Variants in SETBP1 observed in about 807,000 individuals in gnomAD.
SETBP1 encodes SET binding protein 1.
In SETBP1, 9 loss-of-function variants were observed where a neutral mutation model predicts 101.0. That is an observed-to-expected ratio of 0.09 (90% CI 0.05 to 0.16). The LOEUF (loss-of-function observed/expected upper bound fraction) is 0.16. SETBP1 is among the 10% of genes least tolerant of loss of function. The probability of loss-of-function intolerance (pLI) is 1.00; values close to 1 mark genes in which losing one functional copy is unlikely to be tolerated. For synonymous variants in SETBP1, 818 were observed against 788.5 expected (o/e 1.04, Z -0.63); for missense variants, 1,858 against 2,033.8 (o/e 0.91, Z 1.66).
chr18:44,931,278 G>A (rs1466269887), intron 3 of SETBP1, among the ~76,000 whole-genome samples: 2 of 152,136 alleles, frequency 1.3e-5, no homozygotes, highest in Admixed American at 1.3e-4. Flanking sequence ...CTGAGTTCTA[G>A]TTTGATTGCA....
intron 2 of SETBP1, among the ~76,000 whole-genome samples, chr18:44,758,574 G>A (rs1470365594): frequency 6.6e-6 from 1 of 151,988 alleles, no homozygotes; most frequent in Non-Finnish European, 1.5e-5. Flanking sequence ...AGTAAAGAGG[G>A]GGTTTCACTG....
intron 4 of SETBP1, among the ~76,000 whole-genome samples, chr18:45,010,493 A>AT (rs1251966567): frequency 6.6e-6 from 1 of 152,194 alleles, no homozygotes; most frequent in Non-Finnish European, 1.5e-5. Context: ...CATTTTTTGG[A>AT]TTAAGCAGGT....
At chr18:44,729,915 TGA>T (rs2069798829) in intron 2 of SETBP1, among the ~76,000 whole-genome samples, 3 of 152,314 alleles carry the variant, frequency 2.0e-5, no homozygotes, top group Middle Eastern at 3.4e-3. Flanking sequence ...CTGTGACTTT[TGA>T]GAGAGTGTTT....
chr18:44,725,295 T>A (rs2069682760), intron 2 of SETBP1, among the ~76,000 whole-genome samples: 2 of 152,180 alleles, frequency 1.3e-5, no homozygotes, highest in East Asian at 3.8e-4. Flanking sequence ...ATTTCACATC[T>A]AAGAGAGACT....
intron 2 of SETBP1, among the ~76,000 whole-genome samples, chr18:44,844,574 G>A (rs563564524): frequency 1.3e-5 from 2 of 152,328 alleles, no homozygotes; most frequent in Admixed American, 6.5e-5. Flanking sequence ...CCAGAGCTGG[G>A]ATTGGAGGTC....
intron 4 of SETBP1, among the ~76,000 whole-genome samples, chr18:45,026,114 T>C (rs1203019142): frequency 6.6e-6 from 1 of 152,220 alleles, no homozygotes; most frequent in African/African-American, 2.4e-5. Context: ...TTATATTAAC[T>C]GGCATTGATT....
At chr18:44,919,395 G>C (rs2070524114) in intron 3 of SETBP1, among the ~76,000 whole-genome samples, 1 of 151,110 alleles carries the variant, frequency 6.6e-6, no homozygotes, top group Non-Finnish European at 1.5e-5. Flanking sequence ...CACCAGGCAG[G>C]CTGGAGTGCA....
intron 2 of SETBP1, among the ~76,000 whole-genome samples, chr18:44,797,054 G>A (rs1172126988): frequency 1.3e-5 from 2 of 152,152 alleles, no homozygotes; most frequent in African/African-American, 4.8e-5. Context: ...ATTAGCTGGG[G>A]CACTGCACCT....
chr18:44,751,571 CTTTA>C (rs35899434), intron 2 of SETBP1, among the ~76,000 whole-genome samples: 26,170 of 151,926 alleles, frequency 0.17, 2,477 homozygotes, highest in Middle Eastern at 0.24. Flanking sequence ...TTGATTTATC[CTTTA>C]TTTGTCATTT....
intron 4 of SETBP1, among the ~76,000 whole-genome samples, chr18:44,966,661 C>T (rs1424739781): frequency 1.3e-5 from 2 of 152,112 alleles, no homozygotes; most frequent in Non-Finnish European, 2.9e-5. Flanking sequence ...GACTGTTGAT[C>T]CTTGCAGACC....
chr18:44,911,711 A>G (rs1439436434), intron 3 of SETBP1, among the ~76,000 whole-genome samples: 1 of 152,216 alleles, frequency 6.6e-6, no homozygotes, highest in African/African-American at 2.4e-5. Flanking sequence ...TGAGCTCTCC[A>G]ATGAAATCGT....
At chr18:44,967,869 G>A (rs2071754305) in intron 4 of SETBP1, among the ~76,000 whole-genome samples, 1 of 152,250 alleles carries the variant, frequency 6.6e-6, no homozygotes, top group East Asian at 1.9e-4. Flanking sequence ...TTCTGGCTTT[G>A]CACATGCCAT....
Position 44,950,697 on chromosome 18 carries a change from T to G in SETBP1, c.1357T>G (p.Ser453Ala). 6.2e-7 allele frequency: 1 copy of G among 1,614,148 alleles called. No individual in the cohort carries two copies. Among genetic ancestry groups the G allele is most frequent in the Non-Finnish European group, 8.5e-7 (1 of 1,180,022 alleles). The change falls in exon 4 of 6, where the codon TCC (serine) becomes GCC (alanine). Residue 453 changes from serine to alanine, a missense_variant. Around this residue, in one of 12 missense-constraint regions of SETBP1, gnomAD observed 581 missense variants for 535.1 expected, o/e 1.09. Transcript: ENST00000649279. ...MSSEVVNRILSNSEGNKKDPR... is the reference protein window; with the variant it reads ...MSSEVVNRILANSEGNKKDPR... ...CAGTGAAGTAGTTAACAGGATACTTTCCAACTCTGAGGGGAATAAGAAGGA... is the reference window on the plus strand; with the variant it reads ...CAGTGAAGTAGTTAACAGGATACTTGCCAACTCTGAGGGGAATAAGAAGGA...
At chr18:44,875,466 G>A (rs112373243) in intron 3 of SETBP1, among the ~76,000 whole-genome samples, 318 of 150,076 alleles carry the variant, frequency 2.1e-3, no homozygotes, top group African/African-American at 7.5e-3. Flanking sequence ...TGCCGAGATC[G>A]GGGAGTGAGC....
In SETBP1 at chr18:44,942,335, G is replaced by A. The variant is rs555221343; in HGVS notation, c.541-7546G>A. ...TGATAGCCCCCAGTAGCTAATCTCT[G>A]CTAGGCTTTGTGAAATCTTACCTTC... On this transcript the variant is annotated intron_variant, in intron 3 of 5. Coordinates refer to ENST00000649279, the MANE Select transcript of SETBP1 (RefSeq NM_015559.3). Among the ~76,000 whole-genome samples the A allele has an allele frequency of 3.9e-5, 6 of 152,280 alleles. No individual in the cohort carries two copies. In the South Asian group the frequency reaches 1.2e-3, roughly 32 times the overall value.
chr18:44,788,548 G>A lies in SETBP1; in HGVS notation c.487-80682G>A, dbSNP rs140424158. Among the ~76,000 whole-genome samples the A allele has an allele frequency of 1.1e-3, 162 of 152,216 alleles. 1 individual carries two copies. Among genetic ancestry groups the A allele is most frequent in the African/African-American group, 3.6e-3 (148 of 41,536 alleles). ...AACAGGTGCTTGGAAGCCTGGCCTT[G>A]CTCATATAATAGTCTGTGCAGGCTC... On this transcript the variant is annotated intron_variant, in intron 2 of 5. Transcript: ENST00000649279.
intron 4 of SETBP1, among the ~76,000 whole-genome samples, chr18:44,962,600 A>T (rs2071635625): frequency 6.6e-6 from 1 of 152,208 alleles, no homozygotes; most frequent in Non-Finnish European, 1.5e-5. Context: ...TATGCACTTA[A>T]TGACTAGAAA....
intron 2 of SETBP1, among the ~76,000 whole-genome samples, chr18:44,788,905 C>T (rs780273465): frequency 3.0e-4 from 44 of 148,626 alleles, no homozygotes; most frequent in Non-Finnish European, 4.1e-4. Flanking sequence ...TCAGGTGATC[C>T]TCCCATCTCA....
At position 44,852,188 on chromosome 18, in the gene SETBP1, G is replaced by A. The variant is rs78105186; in HGVS notation, c.487-17042G>A. Among the ~76,000 whole-genome samples the A allele has an allele frequency of 4.5e-3, 681 of 152,250 alleles. 42 individuals carry two copies. In the East Asian group the frequency reaches 0.12, roughly 26 times the overall value. On this transcript the variant is annotated intron_variant, in intron 2 of 5. Coordinates refer to ENST00000649279, the MANE Select transcript of SETBP1 (RefSeq NM_015559.3). ...CTGGTAGGCTGCAGCTATCAGCCCC[G>A]CCCAGCCCTCAGCCCACCACCTTCA...
Sources: allele counts gnomAD v4.1 joint callset (sites outside exome capture counted in the v4.1 genomes callset), GRCh38; gene constraint gnomAD v4.1.1; regional missense constraint gnomAD v4.1.1; transcripts MANE v1.5; gene names NCBI Gene and HGNC (gene_info 2026-07-23, HGNC 2026-07-21).